The following NTNG1 variants were observed in gnomAD, a reference collection of about 807,000 sequenced individuals.
NTNG1 encodes the protein netrin G1.
NTNG1 carries 16 observed loss-of-function variants against 54.0 expected under a neutral mutation model. The ratio of observed to expected loss-of-function variants is 0.30; its 90% CI spans 0.20 to 0.45. The LOEUF (loss-of-function observed/expected upper bound fraction) is 0.45, where lower values mean the gene tolerates loss of function less well. Among genes scored for constraint, NTNG1 ranks in the 20% least tolerant of loss-of-function variants. NTNG1 has a pLI of 1.00. For synonymous variants in NTNG1, 255 were observed against 263.1 expected (o/e 0.97, Z 0.30); for missense variants, 530 against 678.7 (o/e 0.78, Z 2.43).
chr1:107,366,917 T>G (rs1373137541), intron 3 of NTNG1, among the ~76,000 whole-genome samples: 1 of 152,234 alleles, frequency 6.6e-6, no homozygotes, highest in Non-Finnish European at 1.5e-5. Context: ...CCTGGGTTTC[T>G]CAGTCAGAGT....
At chr1:107,332,494 C>T (rs6697718) in intron 3 of NTNG1, among the ~76,000 whole-genome samples, 7,646 of 152,102 alleles carry the variant, frequency 0.05, 427 homozygotes, top group East Asian at 0.26. Flanking sequence ...CAGCAGTACA[C>T]CAGCTTCTGC....
intron 2 of NTNG1, among the ~76,000 whole-genome samples, chr1:107,280,034 GGTGTGTGTGTGTGTGTGT>G: frequency 6.8e-6 from 1 of 146,556 alleles, no homozygotes; most frequent in African/African-American, 2.5e-5. Flanking sequence ...TTCCTTTGTT[GGTGTGTGTGTGTGTGTGT>G]GTGTGTGTGT....
intron 2 of NTNG1, among the ~76,000 whole-genome samples, chr1:107,295,773 T>G (rs1328436042): frequency 6.6e-6 from 1 of 152,046 alleles, no homozygotes; most frequent in Non-Finnish European, 1.5e-5. Context: ...CAGAAAAAAC[T>G]AGCTAAAGTA....
chr1:107,247,729 G>A (rs1403310143), intron 2 of NTNG1, among the ~76,000 whole-genome samples: 1 of 152,130 alleles, frequency 6.6e-6, no homozygotes, highest in Non-Finnish European at 1.5e-5. Context: ...TAACAAATGA[G>A]TTATCTTATA....
At chr1:107,479,284 A>G (rs1678538785) in intron 7 of NTNG1, among the ~76,000 whole-genome samples, 1 of 152,244 alleles carries the variant, frequency 6.6e-6, no homozygotes, top group East Asian at 1.9e-4. Context: ...GTTTGTGTGT[A>G]AGAAGCTTCT....
intron 2 of NTNG1, among the ~76,000 whole-genome samples, chr1:107,169,747 G>A (rs1490047044): frequency 1.3e-5 from 2 of 152,156 alleles, no homozygotes; most frequent in Non-Finnish European, 2.9e-5. Flanking sequence ...TATCAGTCAG[G>A]GTTAGTCATT....
At chr1:107,146,488 C>CTA (rs1654128534) in intron 1 of NTNG1, among the ~76,000 whole-genome samples, 1 of 151,914 alleles carries the variant, frequency 6.6e-6, no homozygotes, top group South Asian at 2.1e-4. Context: ...AAGCAGAAGG[C>CTA]TATAGTAGCC....
chr1:107,450,184 G>A (rs1676538246), intron 7 of NTNG1, among the ~76,000 whole-genome samples: 1 of 152,100 alleles, frequency 6.6e-6, no homozygotes, highest in African/African-American at 2.4e-5. Flanking sequence ...GAATTTTAAA[G>A]ATAATGAAAC....
At chr1:107,412,624 G>A (rs1673900196) in intron 5 of NTNG1, among the ~76,000 whole-genome samples, 1 of 152,258 alleles carries the variant, frequency 6.6e-6, no homozygotes, top group East Asian at 1.9e-4. Flanking sequence ...GCAGGGAACT[G>A]TAGAGTCCTG....
chr1:107,226,849 C>T (rs1425713590), intron 2 of NTNG1, among the ~76,000 whole-genome samples: 1 of 152,074 alleles, frequency 6.6e-6, no homozygotes, highest in Non-Finnish European at 1.5e-5. Context: ...TGTGAAGTAA[C>T]TGGCTCAGTC....
chr1:107,465,897 A>T (rs1307558222), intron 7 of NTNG1, among the ~76,000 whole-genome samples: 1 of 152,172 alleles, frequency 6.6e-6, no homozygotes, highest in Admixed American at 6.6e-5. Context: ...ACAGATGTAA[A>T]TGTTTCTGGC....
intron 2 of NTNG1, among the ~76,000 whole-genome samples, chr1:107,232,064 T>G (rs1171321666): frequency 1.3e-5 from 2 of 152,156 alleles, no homozygotes; most frequent in Non-Finnish European, 2.9e-5. Context: ...CAGATCAAAT[T>G]CTAAGGTTAG....
chr1:107,340,502 G>A (rs1305675538), intron 3 of NTNG1, among the ~76,000 whole-genome samples: 1 of 152,060 alleles, frequency 6.6e-6, no homozygotes, highest in Non-Finnish European at 1.5e-5. Flanking sequence ...GTTTAGCACT[G>A]ATGAGTTTAA....
chr1:107,443,532 C>A (rs1411308893), intron 7 of NTNG1, among the ~76,000 whole-genome samples: 1 of 152,072 alleles, frequency 6.6e-6, no homozygotes, highest in Non-Finnish European at 1.5e-5. Flanking sequence ...TATCTTGCGC[C>A]TAACTTGTAA....
chr1:107,287,274 G>T (rs1177504554), intron 2 of NTNG1, among the ~76,000 whole-genome samples: 4 of 151,946 alleles, frequency 2.6e-5, no homozygotes, highest in Non-Finnish European at 5.9e-5. Flanking sequence ...AAAAAAAAAG[G>T]CGATGATAAA....
chr1:107,312,696 G>C (rs1667085578), intron 2 of NTNG1, among the ~76,000 whole-genome samples: 1 of 152,122 alleles, frequency 6.6e-6, no homozygotes, highest in Non-Finnish European at 1.5e-5. Flanking sequence ...TATTCAAACA[G>C]AATTCCTGGT....
chr1:107,181,964 G>GT (rs980180273), intron 2 of NTNG1, among the ~76,000 whole-genome samples: 14 of 151,436 alleles, frequency 9.2e-5, no homozygotes, highest in African/African-American at 1.7e-4. Context: ...ATATTCCCCT[G>GT]TTTTTTTTAT....
chr1:107,376,579 C>T (rs1425047820), intron 3 of NTNG1, among the ~76,000 whole-genome samples: 1 of 152,184 alleles, frequency 6.6e-6, no homozygotes, highest in Non-Finnish European at 1.5e-5. Context: ...ACCCACTCTG[C>T]CGTGCCACCT....
At position 107,297,248 on chromosome 1, in the gene NTNG1, C is replaced by CATATATATATATATAT. The variant is rs1557878514; in HGVS notation, c.247-27034_247-27033insATATATATATATATAT. ...ATATATATATATATATATATATATG[C>CATATATATATATATAT]GCACACACACACACACACAGCAGTT... On this transcript the variant is annotated intron_variant, in intron 2 of 7. Coordinates refer to ENST00000370068, the MANE Select transcript of NTNG1 (RefSeq NM_001113226.3). Among the ~76,000 whole-genome samples, 457 of 63,588 alleles carry CATATATATATATATAT rather than the reference C, an allele frequency of 7.2e-3. 21 individuals carry two copies. The highest frequency in any genetic ancestry group is 9.6e-3 in the Middle Eastern group (1 of 104). 41.7% of individuals were successfully genotyped at this position (63,588 alleles called of 152,430 possible).
Sources: gnomAD v4.1 joint callset for allele counts (sites outside exome capture counted in the v4.1 genomes callset) on GRCh38, gnomAD v4.1.1 for gene constraint, MANE v1.5 for transcripts, NCBI Gene and HGNC (gene_info 2026-07-23, HGNC 2026-07-21) for gene names.